Variants in TUBB4B observed in about 807,000 individuals in gnomAD.
The protein encoded by TUBB4B is tubulin beta 4B class IVb, also known as tubulin beta-4B chain.
A neutral mutation model predicts 34.3 loss-of-function variants in TUBB4B; 7 were observed. The observed-to-expected ratio is 0.20, with a 90% CI of 0.12 to 0.38. The LOEUF is 0.38. Among genes scored for constraint, TUBB4B ranks in the 10% least tolerant of loss-of-function variants. TUBB4B has a pLI of 1.00. For missense variants in TUBB4B, 178 were observed against 610.9 expected (o/e 0.29, Z 7.47); for synonymous variants, 390 against 250.2 (o/e 1.56, Z -5.27).
rs774828693 is a variant in TUBB4B at position 137,242,049 on chromosome 9, G to C, written c.277+28G>C. 21 of 1,604,280 alleles carry C rather than the reference G, an allele frequency of 1.3e-5. No homozygotes were observed. In the South Asian group the frequency reaches 1.9e-4, roughly 14 times the overall value. ...GAGCCGTGGCTGGGGACTGGGCGGC[G>C]GCTCAAAGGTCAAGGGGCTGCTCCA... On this transcript the variant is annotated intron_variant, in intron 3 of 3. Coordinates refer to ENST00000340384, the MANE Select transcript of TUBB4B (RefSeq NM_006088.6).
At position 137,243,352 on chromosome 9, in the gene TUBB4B, C is replaced by G; in HGVS notation, c.1134C>G (p.Phe378Leu). 3 of 1,613,574 alleles carry G rather than the reference C, an allele frequency of 1.9e-6. No individual in the cohort carries two copies. Among genetic ancestry groups the G allele is most frequent in the South Asian group, 1.1e-5 (1 of 91,088 alleles). ...IGNSTAIQEL[F>L]KRISEQFTAM... ...ACAGCACGGCCATCCAGGAGCTGTTCAAGCGCATCTCCGAGCAGTTCACGG... is the reference window on the plus strand; with the variant it reads ...ACAGCACGGCCATCCAGGAGCTGTTGAAGCGCATCTCCGAGCAGTTCACGG... Residue 378 changes from phenylalanine (F) to leucine (L), a missense_variant, in exon 4 of 4, where the codon TTC (phenylalanine) becomes TTG (leucine). By Grantham distance (22) the Phe-to-Leu change is conservative (BLOSUM62 0). Coordinates refer to ENST00000340384, the MANE Select transcript of TUBB4B (RefSeq NM_006088.6).
chr9:137,242,422 G>A (rs541744536), intron 3 of TUBB4B, 74 bp from the exon 4 acceptor site: 16 of 1,541,662 alleles, frequency 1.0e-5, no homozygotes, highest in Admixed American at 5.4e-5. Flanking sequence ...CATGTCACTC[G>A]GCTTTTTTCG....
Position 137,243,311 on chromosome 9 carries a change from G to A in TUBB4B, c.1093G>A (p.Ala365Thr), listed in dbSNP as rs776172223. The A allele has an allele frequency of 7.4e-6, 12 of 1,613,606 alleles. No individual in the cohort carries two copies. Among genetic ancestry groups the A allele is most frequent in the Admixed American group, 1.7e-5 (1 of 60,030 alleles). Residue 365 changes from alanine (A) to threonine (T), a missense_variant, in exon 4 of 4, where the codon GCC (alanine) becomes ACC (threonine). By Grantham distance (58) the Ala-to-Thr change is moderately conservative. Transcript: ENST00000340384. Reference protein sequence around the residue: ...DIPPRGLKMSATFIGNSTAIQ... With the variant: ...DIPPRGLKMSTTFIGNSTAIQ... ...CCCACCTCGGGGGCTAAAAATGTCC[G>A]CCACCTTCATTGGCAACAGCACGGC...
Position 137,243,513 on chromosome 9 carries a change from A to T in TUBB4B, c.1295A>T (p.Glu432Val). The change falls in exon 4 of 4, where the codon GAG becomes GTG. Residue 432 changes from glutamate to valine, a missense_variant. Coordinates refer to ENST00000340384, the MANE Select transcript of TUBB4B (RefSeq NM_006088.6). ...CAGTACCAGGATGCCACAGCCGAGG[A>T]GGAGGGCGAGTTCGAGGAGGAGGCT... The part of the protein sequence containing the change: ...YQQYQDATAE[E>V]EGEFEEEAEE... 6.2e-7 allele frequency: 1 copy of T among 1,613,936 alleles called. No individual in the cohort carries two copies. Among genetic ancestry groups the T allele is most frequent in the Non-Finnish European group, 8.5e-7 (1 of 1,180,024 alleles).
In TUBB4B at chr9:137,243,497, G is replaced by C; in HGVS notation, c.1279G>C (p.Asp427His). The C allele has an allele frequency of 6.2e-7, 1 of 1,613,912 alleles. No homozygotes were observed. The highest frequency in any genetic ancestry group is 8.5e-7 in the Non-Finnish European group (1 of 1,180,042). Reference sequence around the variant, plus strand: ...GGTGTCCGAGTACCAGCAGTACCAGGATGCCACAGCCGAGGAGGAGGGCGA... The same window carrying C: ...GGTGTCCGAGTACCAGCAGTACCAGCATGCCACAGCCGAGGAGGAGGGCGA... Reference protein sequence around the residue: ...DLVSEYQQYQDATAEEEGEFE... With the variant: ...DLVSEYQQYQHATAEEEGEFE... The change falls in exon 4 of 4, where the codon GAT becomes CAT. Residue 427 changes from aspartate to histidine, a missense_variant. Physicochemically the swap from Asp to His is moderately conservative, Grantham distance 81 (BLOSUM62 -1). Transcript: ENST00000340384.
At chr9:137,242,413 A>C (rs559393380) in intron 3 of TUBB4B, 83 bp from the exon 4 acceptor site, 5 of 1,513,084 alleles carry the variant, frequency 3.3e-6, no homozygotes, top group Non-Finnish European at 4.5e-6. Context: ...AGCTCACACC[A>C]TGTCACTCGG....
At chr9:137,242,127 C>T (rs1401448419) in intron 3 of TUBB4B, 106 bp downstream of exon 3, 142 of 1,100,100 alleles carry the variant, frequency 1.3e-4, no homozygotes, top group Non-Finnish European at 1.7e-4. Flanking sequence ...CCCTCCTCTT[C>T]TCTGAGCCAC....
rs543512485 is a variant in TUBB4B at position 137,242,179 on chromosome 9, C to T, written c.277+158C>T. ...AATCGGCTTTGGGAGCAAGGTCCAG[C>T]TGTCTGCCGAGGCGAGGAGCCGCCA... On this transcript the variant is annotated intron_variant, in intron 3 of 3. Transcript: ENST00000340384. 1.4e-5 allele frequency: 11 copies of T among 779,514 alleles called. 1 individual carries two copies. The highest frequency in any genetic ancestry group is 7.4e-5 in the South Asian group (4 of 54,144). 48.3% of individuals were successfully genotyped at this position (779,514 alleles called of 1,614,324 possible).
chr9:137,241,308 T>A lies in TUBB4B; in HGVS notation c.-53T>A, dbSNP rs1029615115. On this transcript the variant is annotated 5_prime_UTR_variant, in exon 1 of 4. Transcript: ENST00000340384. ...TTGTAGCACTCTGCGCGCCCGCTCTTCTGCTGCTGTTTGTCTACTTCCTCC... is the reference window on the plus strand; with the variant it reads ...TTGTAGCACTCTGCGCGCCCGCTCTACTGCTGCTGTTTGTCTACTTCCTCC... 1.3e-6 allele frequency: 2 copies of A among 1,575,178 alleles called. No homozygotes were observed. Among genetic ancestry groups the A allele is most frequent in the Non-Finnish European group, 8.6e-7 (1 of 1,167,300 alleles).
rs777725566 is a variant in TUBB4B at position 137,241,351 on chromosome 9, C to T, written c.-10C>T. On this transcript the variant is annotated 5_prime_UTR_variant, in exon 1 of 4. Transcript: ENST00000340384. ...CTTCCTCCTGCTTCCCCGCCGCCGC[C>T]GCCGCCATCATGAGGGAAATCGTGC... 6.3e-6 allele frequency: 10 copies of T among 1,599,848 alleles called. No individual in the cohort carries two copies. The Admixed American group carries it at 6.7e-5, about 11-fold the overall frequency.
In TUBB4B at chr9:137,242,005, G is replaced by A. The variant is rs1836756300; in HGVS notation, c.261G>A (p.Pro87=). 6.2e-7 allele frequency: 1 copy of A among 1,610,510 alleles called. No homozygotes were observed. The highest frequency in any genetic ancestry group is 1.7e-5 in the Admixed American group (1 of 59,980). Residue 87 remains proline, a synonymous_variant, in exon 3 of 4, where the codon CCG becomes CCA. Transcript: ENST00000340384. The part of the protein sequence containing the change: ...RSGPFGQIFR[P]DNFVFGQSGA... ...GGCCCTTCGGGCAGATCTTCCGGCC[G>A]GACAACTTCGTTTTCGGTGAGCCGT...
rs3903141 is a variant in TUBB4B, at chr9:137,243,696, A to G, written c.*140A>G. The G allele has an allele frequency of 6.2e-7, 1 of 1,614,000 alleles. No individual in the cohort carries two copies. Among genetic ancestry groups the G allele is most frequent in the Non-Finnish European group, 8.5e-7 (1 of 1,179,980 alleles). On this transcript the variant is annotated 3_prime_UTR_variant, in exon 4 of 4. Coordinates refer to ENST00000340384, the MANE Select transcript of TUBB4B (RefSeq NM_006088.6). ...GCTGTACAGACACCACCATTAAAGC[A>G]TTTTCATAGTGTGTGGTTTCGCTTT...
In TUBB4B at chr9:137,243,289, A is replaced by T; in HGVS notation, c.1071A>T (p.Pro357=). 6.2e-7 allele frequency: 1 copy of T among 1,613,512 alleles called. No individual in the cohort carries two copies. Among genetic ancestry groups the T allele is most frequent in the Non-Finnish European group, 8.5e-7 (1 of 1,180,008 alleles). ...TGAAAACGGCTGTCTGTGACATCCC[A>T]CCTCGGGGGCTAAAAATGTCCGCCA... The part of the protein sequence containing the change: ...NNVKTAVCDI[P]PRGLKMSATF... The change falls in exon 4 of 4, where the codon CCA becomes CCT. Residue 357 remains proline, a synonymous_variant. Transcript: ENST00000340384.
In TUBB4B at chr9:137,243,528, A is replaced by T; in HGVS notation, c.1310A>T (p.Glu437Val). The change falls in exon 4 of 4, where the codon GAG (glutamate) becomes GTG (valine). Residue 437 changes from glutamate (E) to valine (V), a missense_variant. Transcript: ENST00000340384. Reference sequence around the variant, plus strand: ...ACAGCCGAGGAGGAGGGCGAGTTCGAGGAGGAGGCTGAGGAGGAGGTGGCC... The same window carrying T: ...ACAGCCGAGGAGGAGGGCGAGTTCGTGGAGGAGGCTGAGGAGGAGGTGGCC... Reference protein sequence around the residue: ...DATAEEEGEFEEEAEEEVA With the variant: ...DATAEEEGEFVEEAEEEVA The T allele has an allele frequency of 1.2e-6, 2 of 1,613,902 alleles. No individual in the cohort carries two copies. Among genetic ancestry groups the T allele is most frequent in the Non-Finnish European group, 1.7e-6 (2 of 1,180,002 alleles).
rs751151932 is a variant in TUBB4B at position 137,243,045 on chromosome 9, G to A, written c.827G>A (p.Arg276Gln). The stretch of plus-strand genomic sequence containing the variant: ...CCCGGCTTTGCCCCACTGACCAGCC[G>A]GGGCAGCCAGCAGTACCGGGCGCTG... ...FMPGFAPLTSRGSQQYRALTV... is the reference protein window; with the variant it reads ...FMPGFAPLTSQGSQQYRALTV... Residue 276 changes from arginine (R) to glutamine (Q), a missense_variant, in exon 4 of 4, where the codon CGG becomes CAG. By Grantham distance (43) the Arg-to-Gln change is conservative. Transcript: ENST00000340384. 2.5e-6 allele frequency: 4 copies of A among 1,612,700 alleles called. No individual in the cohort carries two copies. The highest frequency in any genetic ancestry group is 2.2e-5 in the East Asian group (1 of 44,892).
chr9:137,243,370 G>A lies in TUBB4B; in HGVS notation c.1152G>A (p.Gln384=), dbSNP rs977023286. The change falls in exon 4 of 4, where the codon CAG becomes CAA. Residue 384 remains glutamine, a synonymous_variant. Transcript: ENST00000340384. The stretch of plus-strand genomic sequence containing the variant: ...AGCTGTTCAAGCGCATCTCCGAGCA[G>A]TTCACGGCCATGTTCCGGCGCAAGG... ...IQELFKRISE[Q]FTAMFRRKAF... 1 of 1,613,554 alleles carries A rather than the reference G, an allele frequency of 6.2e-7. No individual in the cohort carries two copies. Among genetic ancestry groups the A allele is most frequent in the African/African-American group, 1.3e-5 (1 of 75,058 alleles).
chr9:137,241,689 G>A (rs746177684), intron 1 of TUBB4B, 32 bp from the exon 2 acceptor site: 2 of 1,586,150 alleles, frequency 1.3e-6, no homozygotes, highest in Non-Finnish European at 1.7e-6. Flanking sequence ...ACTCAGCCCC[G>A]GCCCGCCCGG....
In TUBB4B at chr9:137,242,626, C is replaced by T. The variant is rs758801544; in HGVS notation, c.408C>T (p.Thr136=). Residue 136 remains threonine, a synonymous_variant, in exon 4 of 4, where the codon ACC becomes ACT. Transcript: ENST00000340384. ...ACTGCCTGCAGGGTTTCCAGCTGACCCACTCCCTGGGTGGGGGGACTGGGT... is the reference window on the plus strand; with the variant it reads ...ACTGCCTGCAGGGTTTCCAGCTGACTCACTCCCTGGGTGGGGGGACTGGGT... The part of the protein sequence containing the change: ...SCDCLQGFQL[T]HSLGGGTGSG... 36 of 1,613,572 alleles carry T rather than the reference C, an allele frequency of 2.2e-5. No homozygotes were observed. In the South Asian group the frequency reaches 3.6e-4, roughly 16 times the overall value.
At position 137,241,707 on chromosome 9, in the gene TUBB4B, C is replaced by G. The variant is rs1836749270; in HGVS notation, c.58-14C>G. 1.2e-6 allele frequency: 2 copies of G among 1,607,254 alleles called. No individual in the cohort carries two copies. Among genetic ancestry groups the G allele is most frequent in the African/African-American group, 1.3e-5 (1 of 74,484 alleles). Reference sequence around the variant, plus strand: ...CAGCCCCGGCCCGCCCGGGCCCGCCCGCGTCCCTTGTAGTTTTGGGAGGTG... The same window carrying G: ...CAGCCCCGGCCCGCCCGGGCCCGCCGGCGTCCCTTGTAGTTTTGGGAGGTG... On this transcript the variant is annotated splice_polypyrimidine_tract_variant and intron_variant, in intron 1 of 3. Coordinates refer to ENST00000340384, the MANE Select transcript of TUBB4B (RefSeq NM_006088.6).
Sources: gnomAD v4.1 joint callset for allele counts on GRCh38, gnomAD v4.1.1 for gene constraint, MANE v1.5 for transcripts, NCBI Gene and HGNC (gene_info 2026-07-23, HGNC 2026-07-21) for gene names.